Variants in LYN observed in about 807,000 individuals in gnomAD.
LYN encodes the protein LYN proto-oncogene, Src family tyrosine kinase, also known as tyrosine-protein kinase Lyn.
In LYN, 12 loss-of-function variants were observed where a neutral mutation model predicts 65.0. The observed-to-expected ratio is 0.18, with a 90% CI of 0.12 to 0.30. The LOEUF (loss-of-function observed/expected upper bound fraction) is 0.30, where lower values mean the gene tolerates loss of function less well. LYN is among the 10% of genes least tolerant of loss of function. The probability of loss-of-function intolerance (pLI) is 1.00; values close to 1 mark genes in which losing one functional copy is unlikely to be tolerated. For missense variants in LYN, 380 were observed against 623.2 expected, an observed-to-expected ratio of 0.61 and a Z score of 4.16; for synonymous variants, 222 against 221.2, an observed-to-expected ratio of 1.00 and a Z score of -0.03.
chr8:55,886,238 C>T (rs1207259446), intron 1 of LYN, among the ~76,000 whole-genome samples: 2 of 141,292 alleles, frequency 1.4e-5, no homozygotes, highest in African/African-American at 5.2e-5. Context: ...GGCTGTCAAA[C>T]ATCTTTTTTT....
chr8:55,898,451 G>A (rs921022571), intron 1 of LYN, among the ~76,000 whole-genome samples: 1 of 151,978 alleles, frequency 6.6e-6, no homozygotes, highest in African/African-American at 2.4e-5. Flanking sequence ...ACCATGCCTG[G>A]CTAATTTTTG....
At chr8:56,004,170 G>C (rs1157067489) in intron 12 of LYN, among the ~76,000 whole-genome samples, 1 of 151,736 alleles carries the variant, frequency 6.6e-6, no homozygotes, top group Non-Finnish European at 1.5e-5. Flanking sequence ...GACCTCAGGT[G>C]ATCTGCCTGC....
intron 10 of LYN, among the ~76,000 whole-genome samples, chr8:55,971,853 AG>A (rs1019473190): frequency 6.6e-6 from 1 of 152,210 alleles, no homozygotes; most frequent in Non-Finnish European, 1.5e-5. Context: ...AGAAATGAAT[AG>A]GGGGAGAAGC....
Position 55,879,879 on chromosome 8 carries a change from G to C in LYN, c.-230G>C, listed in dbSNP as rs1804593540. ...CGGGCCGCGCTGCCGCTCGCTCCCC[G>C]GCCGTGGCGCCTCCGGGCCAGACGC... On this transcript the variant is annotated 5_prime_UTR_variant, in exon 1 of 13. Transcript: ENST00000519728. The C allele has an allele frequency of 5.3e-6, 1 of 188,882 alleles. No individual in the cohort carries two copies. The highest frequency in any genetic ancestry group is 1.1e-5 in the Non-Finnish European group (1 of 91,598). 11.7% of individuals were successfully genotyped at this position (188,882 alleles called of 1,614,324 possible).
chr8:55,891,977 G>A (rs916785526), intron 1 of LYN, among the ~76,000 whole-genome samples: 1 of 152,184 alleles, frequency 6.6e-6, no homozygotes, highest in Non-Finnish European at 1.5e-5. Flanking sequence ...TGATAATGGA[G>A]AAATTTACAA....
At chr8:55,884,472 G>A (rs1203476486) in intron 1 of LYN, among the ~76,000 whole-genome samples, 1 of 151,282 alleles carries the variant, frequency 6.6e-6, no homozygotes, top group Non-Finnish European at 1.5e-5. Context: ...GCCTCCCACT[G>A]AAGAGACAGA....
At chr8:55,935,314 G>T (rs1806397301) in intron 1 of LYN, among the ~76,000 whole-genome samples, 1 of 152,166 alleles carries the variant, frequency 6.6e-6, no homozygotes, top group South Asian at 2.1e-4. Flanking sequence ...GGCCAGCCCG[G>T]GTTACCAGCT....
chr8:55,893,173 G>A (rs1294440513), intron 1 of LYN, among the ~76,000 whole-genome samples: 2 of 152,210 alleles, frequency 1.3e-5, no homozygotes, highest in Non-Finnish European at 2.9e-5. Context: ...TGGCGATTCA[G>A]TTGCTAAAAT....
rs1035594626 is a variant in LYN at position 56,013,822 on chromosome 8, C to G, written c.*3712C>G. ...AACCGCCCAGCTTTCCTCTTAGCATCTTCCTTTATTTTCCACTTCTGGCTG... is the reference window on the plus strand; with the variant it reads ...AACCGCCCAGCTTTCCTCTTAGCATGTTCCTTTATTTTCCACTTCTGGCTG... On this transcript the variant is annotated 3_prime_UTR_variant, in exon 13 of 13. Transcript: ENST00000519728. 1 of 152,224 alleles carries G rather than the reference C, an allele frequency of 6.6e-6. No individual in the cohort carries two copies. The highest frequency in any genetic ancestry group is 1.5e-5 in the Non-Finnish European group (1 of 68,046). The allele number at this position is 152,224 out of a possible 1,614,324, so 9.4% of individuals were successfully genotyped here.
intron 8 of LYN, among the ~76,000 whole-genome samples, chr8:55,961,822 C>T (rs779255593): frequency 2.0e-5 from 3 of 152,126 alleles, no homozygotes; most frequent in Non-Finnish European, 2.9e-5. Flanking sequence ...ACTGGTGTGT[C>T]GACCTCTGAG....
intron 4 of LYN, among the ~76,000 whole-genome samples, chr8:55,950,032 C>T (rs1359873337): frequency 1.3e-5 from 2 of 152,128 alleles, no homozygotes. Flanking sequence ...ATATGTGGTC[C>T]TTTTTGACTG....
chr8:55,985,972 G>A (rs1001766557), intron 10 of LYN, among the ~76,000 whole-genome samples: 12 of 152,066 alleles, frequency 7.9e-5, no homozygotes, highest in Admixed American at 2.6e-4. Context: ...TTCGAGACCC[G>A]CCTGGGCAAT....
intron 8 of LYN, among the ~76,000 whole-genome samples, chr8:55,962,758 C>T (rs752996643): frequency 6.6e-6 from 1 of 152,114 alleles, no homozygotes; most frequent in East Asian, 1.9e-4. Context: ...AAGGAATACC[C>T]GAGACTGGGT....
In LYN at chr8:56,009,961, C is replaced by T. The variant is rs1169208278; in HGVS notation, c.1390C>T (p.Arg464Cys). ...CCTGTCCCAGGGCTACAGGATGCCC[C>T]GTGTGGAGAACTGCCCAGATGAGCT... The part of the protein sequence containing the change: ...TALSQGYRMP[R>C]VENCPDELYD... The change falls in exon 13 of 13, where the codon CGT (arginine) becomes TGT (cysteine). Residue 464 changes from arginine to cysteine, a missense_variant. By Grantham distance (180) the Arg-to-Cys change is radical. This residue lies in a region of LYN where 223 missense variants were observed against 430.0 expected (regional missense o/e 0.52). Transcript: ENST00000519728. 40 of 1,613,822 alleles carry T rather than the reference C, an allele frequency of 2.5e-5. No individual in the cohort carries two copies. Among genetic ancestry groups the T allele is most frequent in the Non-Finnish European group, 3.2e-5 (38 of 1,179,886 alleles).
At chr8:55,886,537 G>A (rs776800395) in intron 1 of LYN, among the ~76,000 whole-genome samples, 27 of 152,236 alleles carry the variant, frequency 1.8e-4, no homozygotes, top group Middle Eastern at 6.8e-3. Flanking sequence ...CATGAGCCAC[G>A]CGCCCAGCCT....
At chr8:55,890,134 A>T (rs369730782) in intron 1 of LYN, among the ~76,000 whole-genome samples, 5,964 of 149,990 alleles carry the variant, frequency 0.04, 170 homozygotes, top group Non-Finnish European at 0.053. Context: ...AAAAAAAAAA[A>T]AAAAGAATAA....
intron 1 of LYN, among the ~76,000 whole-genome samples, chr8:55,887,575 T>TACGCACACACACACACACACACACAC (rs1804835212): frequency 5.4e-5 from 5 of 93,436 alleles, no homozygotes; most frequent in African/African-American, 2.0e-4. Context: ...TATATATATA[T>TACGCACACACACACACACACACACAC]ACACACACAC....
chr8:55,975,533 T>C (rs1807728892), intron 10 of LYN, among the ~76,000 whole-genome samples: 1 of 152,350 alleles, frequency 6.6e-6, no homozygotes, highest in African/African-American at 2.4e-5. Context: ...ATGACATTGA[T>C]ATAAGATTTT....
intron 8 of LYN, among the ~76,000 whole-genome samples, chr8:55,964,784 G>T (rs1000560151): frequency 6.6e-6 from 1 of 152,218 alleles, no homozygotes; most frequent in African/African-American, 2.4e-5. Context: ...AAAAGAACAA[G>T]AGAAAGTAGA....
Sources: allele counts gnomAD v4.1 joint callset (sites outside exome capture counted in the v4.1 genomes callset), GRCh38; gene constraint gnomAD v4.1.1; regional missense constraint gnomAD v4.1.1; transcripts MANE v1.5; gene names NCBI Gene and HGNC (gene_info 2026-07-23, HGNC 2026-07-21).